The following PABIR2 variants were observed in gnomAD, a reference collection of about 807,000 sequenced individuals.
PABIR2 encodes PABIR family member 2, also known as family with sequence similarity 122B.
In PABIR2, 7 loss-of-function variants were observed where a neutral mutation model predicts 22.8. The observed-to-expected ratio is 0.31, with a 90% CI of 0.17 to 0.58. The LOEUF is 0.58. Ranked by LOEUF, PABIR2 falls within the 20% of genes least tolerant of loss-of-function variation. The pLI, the probability that PABIR2 is intolerant of heterozygous loss-of-function variation, is 0.89. For missense variants in PABIR2, 155 were observed against 205.1 expected (o/e 0.76, Z 1.49); for synonymous variants, 67 against 73.8 (o/e 0.91, Z 0.47).
intron 6 of PABIR2, among the ~76,000 whole-genome samples, chrX:134,788,090 G>C (rs1285293093): frequency 1.0e-5 from 1 of 99,992 alleles, no homozygotes; most frequent in African/African-American, 3.5e-5. Flanking sequence ...CGTTATATGT[G>C]TAATATATAC....
chrX:134,772,045 T>G lies in PABIR2; in HGVS notation c.*94A>C. 9.3e-7 allele frequency: 1 copy of G among 1,079,700 alleles called. No homozygotes were observed. Among genetic ancestry groups the G allele is most frequent in the South Asian group, 2.9e-5 (1 of 34,703 alleles). 89.0% of individuals were successfully genotyped at this position (1,079,700 alleles called of 1,213,427 possible). On this transcript the variant is annotated 3_prime_UTR_variant, in exon 10 of 10. Coordinates refer to ENST00000343004, the MANE Select transcript of PABIR2 (RefSeq NM_001387468.1). ...CAGAATGTGTGAAATCTGTAAAACTTTAATCCTCATTATGGATCAAAGTTC... is the reference window on the plus strand; with the variant it reads ...CAGAATGTGTGAAATCTGTAAAACTGTAATCCTCATTATGGATCAAAGTTC...
chrX:134,780,049 C>T (rs1280569558), intron 9 of PABIR2, among the ~76,000 whole-genome samples: 2 of 112,595 alleles, frequency 1.8e-5, no homozygotes, highest in African/African-American at 3.2e-5. Context: ...ATCTAAAAGG[C>T]ATCTATCTGT....
chrX:134,791,195 G>A (rs1338202392), intron 2 of PABIR2, among the ~76,000 whole-genome samples: 18 of 109,807 alleles, frequency 1.6e-4, no homozygotes, highest in African/African-American at 4.3e-4. Flanking sequence ...GCAATGTGTC[G>A]GCTTAAAAAA....
intron 9 of PABIR2, among the ~76,000 whole-genome samples, chrX:134,776,148 C>T (rs1478461437): frequency 3.6e-5 from 4 of 110,485 alleles, no homozygotes; most frequent in Admixed American, 9.6e-5. Flanking sequence ...CATACACATT[C>T]CTGTTAATTA....
At chrX:134,779,894 C>T in intron 9 of PABIR2, among the ~76,000 whole-genome samples, 1 of 112,292 alleles carries the variant, frequency 8.9e-6, no homozygotes, top group Non-Finnish European at 1.9e-5. Flanking sequence ...ATCCAATAGT[C>T]CTCTTGACAA....
Position 134,774,366 on chromosome X carries a change from C to T in PABIR2, c.660-2083G>A, listed in dbSNP as rs565303872. On this transcript the variant is annotated intron_variant, in intron 9 of 9. Transcript: ENST00000343004. ...TTTCCTAAAGCACATATTGGCCGGG[C>T]AAACGAAGGACACGCTCTTTGCTAC... Among the ~76,000 whole-genome samples, 44 of 111,708 alleles carry T rather than the reference C, an allele frequency of 3.9e-4. 1 individual carries two copies. The South Asian group carries it at 6.7e-3, about 17-fold the overall frequency.
chrX:134,791,606 G>T (rs1458029255), intron 2 of PABIR2: 1 of 330,143 alleles, frequency 3.0e-6, no homozygotes, highest in Non-Finnish European at 5.9e-6. Flanking sequence ...ACCGAGCAAA[G>T]CAACAGGAGA....
rs374666569 is a variant in PABIR2 at position 134,796,143 on chromosome X, C to T, written c.63G>A (p.Arg21=). 3 of 1,211,006 alleles carry T rather than the reference C, an allele frequency of 2.5e-6. No homozygotes were observed. The part of the protein sequence containing the change: ...EPDTSYGGTL[R]RSSSAPLIHG... ...GGATTAGGGGAGCGCTGCTGGATCT[C>T]CTCAGGGTTCCCCCATAAGATGTGT... Residue 21 remains arginine, a synonymous_variant, in exon 1 of 10, where the codon AGG becomes AGA. Transcript: ENST00000343004.
At position 134,772,284 on chromosome X, in the gene PABIR2, C is replaced by T. The variant is rs1183716672; in HGVS notation, c.660-1G>A. ...ACTACTGCCATCCAAAATATCTGAA[C>T]TGAAGACAAAGCAAAAAGAATTATA... On this transcript the variant is annotated splice_acceptor_variant, in intron 9 of 9. Coordinates refer to ENST00000343004, the MANE Select transcript of PABIR2 (RefSeq NM_001387468.1). LOFTEE classifies it high-confidence loss of function. 1 of 1,178,417 alleles carries T rather than the reference C, an allele frequency of 8.5e-7. No homozygotes were observed. The highest frequency in any genetic ancestry group is 1.1e-6 in the Non-Finnish European group (1 of 876,400).
chrX:134,776,448 A>C (rs1160817100), intron 9 of PABIR2, among the ~76,000 whole-genome samples: 1 of 110,921 alleles, frequency 9.0e-6, no homozygotes, highest in Non-Finnish European at 1.9e-5. Flanking sequence ...AAGAATGAAG[A>C]GCAGATTAAG....
At chrX:134,782,933 C>G (rs2079196536) in intron 8 of PABIR2, among the ~76,000 whole-genome samples, 1 of 112,013 alleles carries the variant, frequency 8.9e-6, no homozygotes, top group Admixed American at 9.5e-5. Flanking sequence ...AAAGTTGCTG[C>G]TGGGCTTTTG....
Position 134,773,366 on chromosome X carries a change from T to C in PABIR2, c.660-1083A>G, listed in dbSNP as rs147129257. Among the ~76,000 whole-genome samples, 450 of 109,753 alleles carry C rather than the reference T, an allele frequency of 4.1e-3. 4 individuals carry two copies. Among genetic ancestry groups the C allele is most frequent in the African/African-American group, 0.014 (426 of 30,197 alleles). On this transcript the variant is annotated intron_variant, in intron 9 of 9. Transcript: ENST00000343004. ...AAAACAGACGTGGTCCCAGCCCTCA[T>C]TGAATTTACAGTATTGTGCAGGAGA...
At chrX:134,792,765 G>A (rs1209438515) in intron 2 of PABIR2, among the ~76,000 whole-genome samples, 2 of 111,746 alleles carry the variant, frequency 1.8e-5, no homozygotes, top group Non-Finnish European at 3.8e-5. Flanking sequence ...TATTTCATAG[G>A]GGCTGTTATG....
At chrX:134,794,180 G>C (rs967213128) in intron 1 of PABIR2, 13 of 215,749 alleles carry the variant, frequency 6.0e-5, no homozygotes, top group Non-Finnish European at 2.0e-5. Flanking sequence ...GCTGCTTCTG[G>C]TCAGAGCTAC....
chrX:134,796,156 C>G lies in PABIR2; in HGVS notation c.50G>C (p.Gly17Ala). 1.7e-6 allele frequency: 2 copies of G among 1,210,887 alleles called. No individual in the cohort carries two copies. Among genetic ancestry groups the G allele is most frequent in the Non-Finnish European group, 2.2e-6 (2 of 895,294 alleles). The part of the protein sequence containing the change: ...ELDLEPDTSY[G>A]GTLRRSSSAP... ...GCTGCTGGATCTCCTCAGGGTTCCC[C>G]CATAAGATGTGTCAGGCTCAAGGTC... Residue 17 changes from glycine (G) to alanine (A), a missense_variant, in exon 1 of 10, where the codon GGG becomes GCG. Coordinates refer to ENST00000343004, the MANE Select transcript of PABIR2 (RefSeq NM_001387468.1).
Position 134,796,470 on chromosome X carries a change from T to A in PABIR2, c.-265A>T. On this transcript the variant is annotated 5_prime_UTR_variant, in exon 1 of 10. Transcript: ENST00000343004. ...GAGGTAGTGGTGGAAGGTGACAGAA[T>A]GAAGGAAAAGGATGAAGGAAAGAAG... The A allele has an allele frequency of 2.6e-5, 8 of 302,921 alleles. No homozygotes were observed. The highest frequency in any genetic ancestry group is 2.2e-4 in the South Asian group (3 of 13,645). 25.0% of individuals were successfully genotyped at this position (302,921 alleles called of 1,213,427 possible).
chrX:134,772,084 C>T lies in PABIR2; in HGVS notation c.*55G>A, dbSNP rs974916390. 4.4e-5 allele frequency: 50 copies of T among 1,148,237 alleles called. No individual in the cohort carries two copies. The highest frequency in any genetic ancestry group is 3.6e-4 in the Admixed American group (14 of 38,920). The allele number at this position is 1,148,237 out of a possible 1,213,427, so 94.6% of individuals were successfully genotyped here. On this transcript the variant is annotated 3_prime_UTR_variant, in exon 10 of 10. Transcript: ENST00000343004. ...GGATCAAAGTTCTCTGCGTTCCCCA[C>T]TAAACATTTTATGTAGGAAACAGCA...
intron 9 of PABIR2, among the ~76,000 whole-genome samples, chrX:134,777,686 A>C (rs1462252420): frequency 4.6e-5 from 5 of 109,579 alleles, no homozygotes. Flanking sequence ...AAAATACAAA[A>C]TTAGCCGGGC....
At chrX:134,790,970 G>A (rs1035379319) in intron 2 of PABIR2, among the ~76,000 whole-genome samples, 5 of 112,029 alleles carry the variant, frequency 4.5e-5, no homozygotes, top group African/African-American at 9.7e-5. Context: ...GGAAGAGAGC[G>A]CAGACGTGTC....
Sources: gnomAD v4.1 joint callset for allele counts (sites outside exome capture counted in the v4.1 genomes callset) on GRCh38, gnomAD v4.1.1 for gene constraint, MANE v1.5 for transcripts, NCBI Gene and HGNC (gene_info 2026-07-23, HGNC 2026-07-21) for gene names.